The following RGS5 variants were observed in gnomAD, a reference collection of about 807,000 sequenced individuals.
RGS5 encodes the protein regulator of G-protein signalling 5.
A neutral mutation model predicts 18.9 loss-of-function variants in RGS5; 20 were observed. The observed-to-expected ratio is 1.06, with a 90% CI of 0.74 to 1.54. The LOEUF is 1.54. Among genes scored for constraint, RGS5 ranks in the 40% most tolerant of loss-of-function variants. The pLI is 0.00. For synonymous variants in RGS5, 57 were observed against 76.2 expected (o/e 0.75, Z 1.31); for missense variants, 201 against 211.8 (o/e 0.95, Z 0.32).
At chr1:163,293,476 C>A (rs1380038048) in intron 2 of RGS5, among the ~76,000 whole-genome samples, 2 of 152,148 alleles carry the variant, frequency 1.3e-5, no homozygotes, top group Admixed American at 6.5e-5. Flanking sequence ...TCCCCATGAT[C>A]CAGTAACCTC....
At position 163,285,998 on chromosome 1, in the gene RGS5, G is replaced by GCACACA. The variant is rs10683583; in HGVS notation, c.-281+20229_-281+20234dup. Among the ~76,000 whole-genome samples the GCACACA allele has an allele frequency of 6.9e-3, 936 of 135,086 alleles. 7 individuals carry two copies. The highest frequency in any genetic ancestry group is 0.023 in the African/African-American group (781 of 34,708). 88.6% of individuals were successfully genotyped at this position (135,086 alleles called of 152,430 possible). A position where few individuals can be genotyped will look rare whatever the true frequency, so the allele number is the denominator to read the frequency against. ...AGACTCATACAAGTATTTAATTTAT[G>GCACACA]CACACACACACACACACACATGCAC... On this transcript the variant is annotated intron_variant, in intron 2 of 5. Coordinates refer to the RGS5 transcript ENST00000618415.
intron 1 of RGS5, among the ~76,000 whole-genome samples, chr1:163,186,578 CAAAAAAAAAA>C (rs34092786): frequency 1.0e-5 from 1 of 95,972 alleles, no homozygotes; most frequent in Admixed American, 1.3e-4. Context: ...GACTCTGTCT[CAAAAAAAAAA>C]AAAAAAAAAG....
intron 2 of RGS5, among the ~76,000 whole-genome samples, chr1:163,269,886 T>C (rs1571331100): frequency 6.6e-6 from 1 of 152,206 alleles, no homozygotes. Context: ...ACCATTTATT[T>C]TGACATTATA....
intron 1 of RGS5, among the ~76,000 whole-genome samples, chr1:163,175,421 G>A (rs576623672): frequency 6.4e-4 from 98 of 152,306 alleles, no homozygotes; most frequent in Non-Finnish European, 1.2e-3. Context: ...CTCCTTGTAG[G>A]TGGCTCCGAG....
chr1:163,145,079 T>C lies in RGS5; in HGVS notation c.*2263A>G, dbSNP rs1303754762. Reference sequence around the variant, plus strand: ...TTATATCTCCACAGAACTGCTCTCATGGGACCCTGTCCTGCCCTGTAGGTA... The same window carrying C: ...TTATATCTCCACAGAACTGCTCTCACGGGACCCTGTCCTGCCCTGTAGGTA... On this transcript the variant is annotated 3_prime_UTR_variant, in exon 5 of 5. Coordinates refer to ENST00000313961, the MANE Select transcript of RGS5 (RefSeq NM_003617.4). The C allele has an allele frequency of 6.6e-6, 1 of 152,170 alleles. No individual in the cohort carries two copies. 9.4% of individuals were successfully genotyped at this position (152,170 alleles called of 1,614,324 possible).
At chr1:163,197,087 C>T (rs1458148644) in intron 1 of RGS5, among the ~76,000 whole-genome samples, 2 of 152,142 alleles carry the variant, frequency 1.3e-5, no homozygotes, top group Non-Finnish European at 2.9e-5. Flanking sequence ...AACAGATGAG[C>T]ACTGGAGAAG....
At chr1:163,183,923 C>T (rs1658961477) in intron 1 of RGS5, among the ~76,000 whole-genome samples, 1 of 152,288 alleles carries the variant, frequency 6.6e-6, no homozygotes, top group Admixed American at 6.5e-5. Context: ...AATAAGTTTT[C>T]TAAAAATTTC....
At chr1:163,174,156 T>A (rs1658434308) in intron 1 of RGS5, among the ~76,000 whole-genome samples, 1 of 152,150 alleles carries the variant, frequency 6.6e-6, no homozygotes, top group Non-Finnish European at 1.5e-5. Context: ...ATGGGAGATA[T>A]TATATACCTA....
At chr1:163,260,583 G>A (rs921127893) in intron 2 of RGS5, 3 of 151,434 alleles carry the variant, frequency 2.0e-5, no homozygotes, top group African/African-American at 7.3e-5. Flanking sequence ...TGTAATGGGT[G>A]CACTAAAATC....
chr1:163,187,123 G>A (rs1205828715), intron 1 of RGS5, among the ~76,000 whole-genome samples: 3 of 152,052 alleles, frequency 2.0e-5, no homozygotes, highest in Non-Finnish European at 4.4e-5. Flanking sequence ...TCACATTTCA[G>A]CATAATTACA....
intron 1 of RGS5, among the ~76,000 whole-genome samples, chr1:163,177,153 T>C (rs918064284): frequency 1.3e-5 from 2 of 152,214 alleles, no homozygotes; most frequent in Admixed American, 6.5e-5. Flanking sequence ...TGTGACACTA[T>C]TGTGGAAACC....
intron 2 of RGS5, among the ~76,000 whole-genome samples, chr1:163,289,759 T>C (rs1649233351): frequency 6.6e-6 from 1 of 152,198 alleles, no homozygotes; most frequent in Admixed American, 6.5e-5. Flanking sequence ...CCATCTCATA[T>C]TGATACAGGA....
At chr1:163,191,960 G>A (rs1438188598) in intron 1 of RGS5, among the ~76,000 whole-genome samples, 6 of 152,260 alleles carry the variant, frequency 3.9e-5, no homozygotes, top group African/African-American at 4.8e-5. Flanking sequence ...GAGCTTCTGG[G>A]TTGGTGAACA....
At chr1:163,320,201 A>C (rs1179224543) in intron 1 of RGS5, among the ~76,000 whole-genome samples, 1 of 152,136 alleles carries the variant, frequency 6.6e-6, no homozygotes, top group Non-Finnish European at 1.5e-5. Flanking sequence ...TCTCAACGAC[A>C]ATTTAGACAT....
intron 2 of RGS5, among the ~76,000 whole-genome samples, chr1:163,292,355 C>T (rs1038011970): frequency 6.6e-6 from 1 of 152,180 alleles, no homozygotes; most frequent in African/African-American, 2.4e-5. Context: ...GATCTCATTC[C>T]TTTTCATGGC....
chr1:163,194,643 G>A (rs12142767), intron 1 of RGS5, among the ~76,000 whole-genome samples: 22,901 of 151,946 alleles, frequency 0.15, 1,774 homozygotes, highest in South Asian at 0.26. Context: ...TGTCTAAAAA[G>A]ACTGTGTTTT....
intron 2 of RGS5, among the ~76,000 whole-genome samples, chr1:163,291,144 A>G (rs1649274261): frequency 6.8e-6 from 1 of 146,012 alleles, no homozygotes; most frequent in Admixed American, 6.8e-5. Flanking sequence ...AAAAAAAAAA[A>G]AGGTTCTCTG....
chr1:163,268,577 T>C (rs1015493122), intron 2 of RGS5, among the ~76,000 whole-genome samples: 5 of 151,978 alleles, frequency 3.3e-5, no homozygotes, highest in Non-Finnish European at 7.4e-5. Context: ...CATCCCCAAC[T>C]CTATGTTTTA....
intron 2 of RGS5, among the ~76,000 whole-genome samples, chr1:163,298,673 T>C (rs1571348597): frequency 6.6e-6 from 1 of 152,136 alleles, no homozygotes; most frequent in East Asian, 1.9e-4. Flanking sequence ...GAGTGTGGTG[T>C]CTCCTGTGAG....
Sources: gnomAD v4.1 joint callset for allele counts (sites outside exome capture counted in the v4.1 genomes callset) on GRCh38, gnomAD v4.1.1 for gene constraint, MANE v1.5 for transcripts, NCBI Gene and HGNC (gene_info 2026-07-23, HGNC 2026-07-21) for gene names.